MAP4K4: variants seen among roughly 807,000 people sequenced by gnomAD.
MAP4K4 encodes mitogen-activated protein kinase kinase kinase kinase 4, also known as HPK/GCK-like kinase HGK.
A neutral mutation model predicts 189.6 loss-of-function variants in MAP4K4; 38 were observed. The observed-to-expected ratio is 0.20, with a 90% CI of 0.15 to 0.26. The LOEUF (loss-of-function observed/expected upper bound fraction) is 0.26, where lower values mean the gene tolerates loss of function less well. MAP4K4 is among the 10% of genes least tolerant of loss of function. MAP4K4 has a pLI of 1.00. For synonymous variants in MAP4K4, 610 were observed against 624.3 expected (o/e 0.98, Z 0.34); for missense variants, 1,054 against 1,726.9 (o/e 0.61, Z 6.91).
At chr2:101,759,537 TTCCAC>T (rs1485164665) in intron 2 of MAP4K4, among the ~76,000 whole-genome samples, 6 of 11,616 alleles carry the variant, frequency 5.2e-4, no homozygotes, top group Non-Finnish European at 4.3e-4. Flanking sequence ...CCCCTCCCCA[TTCCAC>T]TCCCCTCCCC....
chr2:101,745,972 TTGTGTGTGTGTGTG>T (rs5832985), intron 2 of MAP4K4, among the ~76,000 whole-genome samples: 5 of 146,600 alleles, frequency 3.4e-5, no homozygotes, highest in Admixed American at 6.8e-5. Flanking sequence ...CCTGTTTCCT[TTGTGTGTGTGTGTG>T]TGTGTGTGTG....
intron 2 of MAP4K4, among the ~76,000 whole-genome samples, chr2:101,781,546 G>GGGGGAA (rs2087464898): frequency 6.6e-6 from 1 of 152,116 alleles, no homozygotes; most frequent in Admixed American, 6.5e-5. Context: ...GTGAGAGGGA[G>GGGGGAA]GGGGAAGGGG....
At chr2:101,858,950 CT>C in intron 13 of MAP4K4, 45 bp from the exon 14 acceptor site, 1 of 1,465,644 alleles carries the variant, frequency 6.8e-7, no homozygotes, top group Non-Finnish European at 9.5e-7. Context: ...GGTTCTGATG[CT>C]TTTCTTTGGG....
chr2:101,711,681 T>C (rs78008885), intron 2 of MAP4K4, among the ~76,000 whole-genome samples: 2,248 of 152,264 alleles, frequency 0.015, 62 homozygotes, highest in African/African-American at 0.051. Flanking sequence ...TACTGGAAAA[T>C]GGGACTTTGT....
intron 3 of MAP4K4, among the ~76,000 whole-genome samples, chr2:101,814,297 T>C (rs2095594582): frequency 6.6e-6 from 1 of 152,222 alleles, no homozygotes; most frequent in Non-Finnish European, 1.5e-5. Context: ...CTTGATTCTA[T>C]TTTCTATTTT....
chr2:101,832,268 A>G (rs2149434506), intron 7 of MAP4K4, among the ~76,000 whole-genome samples: 1 of 152,346 alleles, frequency 6.6e-6, no homozygotes, highest in East Asian at 1.9e-4. Context: ...TTTGGTACAC[A>G]AATTTATTTA....
intron 2 of MAP4K4, among the ~76,000 whole-genome samples, chr2:101,783,595 A>G (rs2088962818): frequency 6.6e-6 from 1 of 152,202 alleles, no homozygotes; most frequent in African/African-American, 2.4e-5. Context: ...AAAGGCAGTG[A>G]TTTTTGTTAC....
intron 24 of MAP4K4, among the ~76,000 whole-genome samples, chr2:101,872,088 G>A (rs1167255831): frequency 6.6e-6 from 1 of 151,766 alleles, no homozygotes; most frequent in Non-Finnish European, 1.5e-5. Context: ...GGAAGATTCG[G>A]TTCAGCAGGC....
At chr2:101,703,045 ATCT>A (rs764166039) in intron 2 of MAP4K4, among the ~76,000 whole-genome samples, 14 of 152,274 alleles carry the variant, frequency 9.2e-5, no homozygotes, top group East Asian at 3.9e-4. Context: ...GAGGAGAGAC[ATCT>A]TCTTTAAGCA....
chr2:101,816,687 A>C (rs2095741860), intron 3 of MAP4K4, among the ~76,000 whole-genome samples: 3 of 152,182 alleles, frequency 2.0e-5, no homozygotes. Context: ...AGCCGATACT[A>C]AGAAGTTGAG....
At chr2:101,761,596 G>C (rs560007965) in intron 2 of MAP4K4, among the ~76,000 whole-genome samples, 80 of 137,510 alleles carry the variant, frequency 5.8e-4, no homozygotes, top group South Asian at 2.8e-3. Flanking sequence ...TCTCACTCTT[G>C]TTGCCGGGCT....
At chr2:101,709,544 C>T (rs960863578) in intron 2 of MAP4K4, among the ~76,000 whole-genome samples, 2 of 152,122 alleles carry the variant, frequency 1.3e-5, no homozygotes, top group Admixed American at 6.6e-5. Context: ...TCTTTCTTAT[C>T]GCTATGAAGA....
intron 2 of MAP4K4, among the ~76,000 whole-genome samples, chr2:101,786,844 A>G (rs1255156672): frequency 6.6e-6 from 1 of 152,200 alleles, no homozygotes; most frequent in African/African-American, 2.4e-5. Flanking sequence ...ATAGATGTGA[A>G]TAGTATTTGG....
intron 26 of MAP4K4, among the ~76,000 whole-genome samples, chr2:101,875,933 T>C (rs1026671135): frequency 2.0e-5 from 3 of 152,162 alleles, no homozygotes; most frequent in Non-Finnish European, 4.4e-5. Flanking sequence ...AAGATTAGGA[T>C]TGATTGGATG....
intron 2 of MAP4K4, among the ~76,000 whole-genome samples, chr2:101,785,674 C>CTTTCTTTTCCTTTTTTGAG (rs376456716): frequency 2.3e-5 from 1 of 43,058 alleles, no homozygotes; most frequent in Non-Finnish European, 3.9e-5. Context: ...TTCTTTCTTT[C>CTTTCTTTTCCTTTTTTGAG]TCCCTCTCTC....
rs376456716 is a variant in MAP4K4 at position 101,785,674 on chromosome 2, C to CTTTCTTTCTTT, written c.124-5045_124-5044insTTCTTTCTTTT. 2.0e-3 allele frequency among the ~76,000 whole-genome samples: 84 copies of CTTTCTTTCTTT among 43,018 alleles called. 3 individuals carry two copies. The highest frequency in any genetic ancestry group is 4.1e-3 in the East Asian group (5 of 1,214). The allele number at this position is 43,018 out of a possible 152,430, so 28.2% of individuals were successfully genotyped here. A position where few individuals can be genotyped will look rare whatever the true frequency, so the allele number is the denominator to read the frequency against. ...TTGCCATCTTCTTCTTTCTTTCTTT[C>CTTTCTTTCTTT]TCCCTCTCTCTCTCTCTCTCTCTCT... On this transcript the variant is annotated intron_variant, in intron 2 of 32. Transcript: ENST00000324219.
intron 3 of MAP4K4, among the ~76,000 whole-genome samples, chr2:101,817,274 T>A (rs1466139879): frequency 6.6e-6 from 1 of 152,170 alleles, no homozygotes; most frequent in Non-Finnish European, 1.5e-5. Context: ...TTCTTTTAGA[T>A]CCTGGAGGAA....
chr2:101,845,387 A>G (rs72829237), intron 12 of MAP4K4, among the ~76,000 whole-genome samples: 5 of 152,266 alleles, frequency 3.3e-5, no homozygotes, highest in Non-Finnish European at 5.9e-5. Flanking sequence ...TTATTTCCCT[A>G]TACAGTCATG....
At chr2:101,867,928 G>T in intron 20 of MAP4K4, 101 bp from the exon 21 acceptor site, 1 of 1,139,184 alleles carries the variant, frequency 8.8e-7, no homozygotes. Flanking sequence ...ACTGATTTCT[G>T]TACTTCTCCC....
Sources: gnomAD v4.1 joint callset for allele counts (sites outside exome capture counted in the v4.1 genomes callset) on GRCh38, gnomAD v4.1.1 for gene constraint, MANE v1.5 for transcripts, NCBI Gene and HGNC (gene_info 2026-07-23, HGNC 2026-07-21) for gene names.